AK8: variants seen among roughly 807,000 people sequenced by gnomAD.
AK8 encodes ATP-AMP transphosphorylase 8.
Under a neutral mutation model 54.6 loss-of-function variants are expected in AK8, and 44 were observed. That is an observed-to-expected ratio of 0.81 (90% CI 0.63 to 1.04). AK8 has a LOEUF of 1.04. AK8 is among the 50% of genes least tolerant of loss of function. AK8 has a pLI of 0.00. For missense variants in AK8, 555 were observed against 613.6 expected, an observed-to-expected ratio of 0.90 and a Z score of 1.01; for synonymous variants, 239 against 245.6, an observed-to-expected ratio of 0.97 and a Z score of 0.25.
intron 11 of AK8, among the ~76,000 whole-genome samples, chr9:132,762,859 A>G (rs1838547226): frequency 6.6e-6 from 1 of 152,208 alleles, no homozygotes; most frequent in African/African-American, 2.4e-5. Context: ...CCTGGGTGAC[A>G]GAGCGAGACT....
intron 11 of AK8, among the ~76,000 whole-genome samples, chr9:132,774,608 C>A (rs774582989): frequency 6.6e-6 from 1 of 152,170 alleles, no homozygotes; most frequent in Non-Finnish European, 1.5e-5. Context: ...AATATGATTT[C>A]TCCAAGTCAT....
chr9:132,727,525 G>C lies in AK8; in HGVS notation c.1131C>G (p.Phe377Leu). The C allele has an allele frequency of 6.2e-7, 1 of 1,613,696 alleles. No homozygotes were observed. The stretch of plus-strand genomic sequence containing the variant: ...TGATGGAATCAAATGGCACATTCAG[G>C]AAAAACACCCTATAAGGAAATAAAC... ...RLGYNPNRVF[F>L]LNVPFDSIME... Residue 377 changes from phenylalanine (F) to leucine (L), a missense_variant, in exon 12 of 13, where the codon TTC (phenylalanine) becomes TTG (leucine). Physicochemically the swap from Phe to Leu is conservative, Grantham distance 22 (BLOSUM62 0). Transcript: ENST00000298545.
chr9:132,866,357 T>C (rs1424352724), intron 3 of AK8, among the ~76,000 whole-genome samples: 2 of 152,182 alleles, frequency 1.3e-5, no homozygotes, highest in East Asian at 1.9e-4. Flanking sequence ...TTGCTGTATC[T>C]TCAAAGATGT....
At chr9:132,815,102 G>A (rs1052181006) in intron 9 of AK8, among the ~76,000 whole-genome samples, 4 of 152,202 alleles carry the variant, frequency 2.6e-5, no homozygotes, top group African/African-American at 4.8e-5. Flanking sequence ...CGTTCTGGCC[G>A]GGGGCTGCTC....
chr9:132,814,596 G>A, intron 10 of AK8, 42 bp downstream of exon 10: 1 of 1,575,628 alleles, frequency 6.3e-7, no homozygotes, highest in Non-Finnish European at 8.7e-7. Context: ...AGTTCTCTCT[G>A]GAGCCTGTAA....
chr9:132,823,379 GA>G, intron 8 of AK8, 43 bp from the exon 9 acceptor site: 1 of 1,611,614 alleles, frequency 6.2e-7, no homozygotes, highest in South Asian at 1.1e-5. Flanking sequence ...AGGTCCTAGA[GA>G]ACAGGAAACC....
chr9:132,798,694 T>TG (rs796956203), intron 10 of AK8, among the ~76,000 whole-genome samples: 142 of 149,442 alleles, frequency 9.5e-4, no homozygotes, highest in African/African-American at 1.4e-3. Flanking sequence ...CGTTTGTTTT[T>TG]TTTTTTTTTT....
intron 5 of AK8, among the ~76,000 whole-genome samples, chr9:132,830,859 CTGATACATATTCACTTGCCTTTAAATTG>C (rs1842076535): frequency 6.6e-6 from 1 of 152,218 alleles, no homozygotes; most frequent in African/African-American, 2.4e-5. Context: ...CCTGAAAAAG[CTGATACATATTCACTTGCCTTTAAATTG>C]TGTTCTTGTG....
Position 132,790,145 on chromosome 9 carries a change from T to C in AK8, c.1121+2489A>G, listed in dbSNP as rs1195969396. On this transcript the variant is annotated intron_variant, in intron 11 of 12. Coordinates refer to ENST00000298545, the MANE Select transcript of AK8 (RefSeq NM_152572.3). The surrounding 1 kb of genome is among the most constrained non-coding windows in gnomAD (Gnocchi z 4.1). ...GGAACAAAAGACTGGCTTACTAATATTAACATAATTTATAATACCAATGTG... is the reference window on the plus strand; with the variant it reads ...GGAACAAAAGACTGGCTTACTAATACTAACATAATTTATAATACCAATGTG... Among the ~76,000 whole-genome samples, 1 of 152,182 alleles carries C rather than the reference T, an allele frequency of 6.6e-6. No homozygotes were observed. The highest frequency in any genetic ancestry group is 1.5e-5 in the Non-Finnish European group (1 of 68,038).
intron 10 of AK8, among the ~76,000 whole-genome samples, chr9:132,809,097 A>T (rs1028207405): frequency 6.6e-6 from 1 of 152,190 alleles, no homozygotes; most frequent in Non-Finnish European, 1.5e-5. Context: ...CTTACAGATG[A>T]AAACTCCTAA....
At chr9:132,875,258 C>T in intron 1 of AK8, 59 bp from the exon 2 acceptor site, 2 of 1,598,654 alleles carry the variant, frequency 1.3e-6, no homozygotes, top group Non-Finnish European at 1.7e-6. Context: ...CTGGTCACCA[C>T]AGATACCAGC....
chr9:132,814,839 A>G, intron 9 of AK8, 112 bp from the exon 10 acceptor site: 1 of 829,276 alleles, frequency 1.2e-6, no homozygotes, highest in South Asian at 1.9e-5. Flanking sequence ...GGTCACTGAA[A>G]AAAGCATAAA....
chr9:132,878,335 G>A (rs1000304673), upstream of AK8: 2 of 1,291,288 alleles, frequency 1.5e-6, no homozygotes, highest in African/African-American at 3.1e-5. The surrounding 1 kb of genome is among the most constrained non-coding windows in gnomAD (Gnocchi z 4.7). Flanking sequence ...CACGCGCCGC[G>A]GCCCCGCCCT....
chr9:132,769,827 A>G (rs1234154186), intron 11 of AK8: 1 of 152,146 alleles, frequency 6.6e-6, no homozygotes, highest in African/African-American at 2.4e-5. Flanking sequence ...GAATCCTGCC[A>G]TCACCGCCTT....
intron 11 of AK8, among the ~76,000 whole-genome samples, chr9:132,776,537 C>T (rs903963070): frequency 5.9e-5 from 9 of 152,260 alleles, no homozygotes; most frequent in African/African-American, 1.7e-4. Flanking sequence ...GCTGTGGGGG[C>T]GGTGGATCCA....
At chr9:132,730,436 G>GT (rs5900990) in intron 11 of AK8, among the ~76,000 whole-genome samples, 43,478 of 141,784 alleles carry the variant, frequency 0.31, 7,837 homozygotes, top group South Asian at 0.47. Flanking sequence ...CCCACTGCCT[G>GT]TTTTTTTTTT....
intron 10 of AK8, among the ~76,000 whole-genome samples, chr9:132,806,055 C>T (rs1840709235): frequency 6.6e-6 from 1 of 151,722 alleles, no homozygotes; most frequent in South Asian, 2.1e-4. Context: ...GAAGGAAATC[C>T]ACATAGAATA....
chr9:132,777,990 G>A (rs188335774), intron 11 of AK8, among the ~76,000 whole-genome samples: 13 of 152,350 alleles, frequency 8.5e-5, no homozygotes, highest in Admixed American at 7.2e-4. Context: ...CTCGAGGTGC[G>A]AAGGAGCGCA....
chr9:132,864,083 T>G (rs1364472399), intron 3 of AK8, among the ~76,000 whole-genome samples: 1 of 152,158 alleles, frequency 6.6e-6, no homozygotes, highest in Non-Finnish European at 1.5e-5. Context: ...GACCATGAGT[T>G]TCATCTCAAG....
Sources: allele counts gnomAD v4.1 joint callset (sites outside exome capture counted in the v4.1 genomes callset), GRCh38; gene constraint gnomAD v4.1.1; non-coding constraint Gnocchi (gnomAD v3.1); transcripts MANE v1.5; gene names NCBI Gene and HGNC (gene_info 2026-07-23, HGNC 2026-07-21).